The following BLTP1 variants were observed in gnomAD, a reference collection of about 807,000 sequenced individuals.
BLTP1 encodes fragile site-associated protein.
the BLTP1 span, among the ~76,000 whole-genome samples, chr4:122,299,377 G>A: frequency 1.3e-5 from 2 of 152,120 alleles, no homozygotes; most frequent in African/African-American, 4.8e-5. Context: ...ATGTAAGTGA[G>A]GGGATAAAGT....
At chr4:122,327,466 T>C in the BLTP1 span, among the ~76,000 whole-genome samples, 1 of 151,772 alleles carries the variant, frequency 6.6e-6, no homozygotes, top group Non-Finnish European at 1.5e-5. Flanking sequence ...ATTTTCCATC[T>C]GCACTTGATT....
chr4:122,229,369 T>C, the BLTP1 span: 1 of 679,130 alleles, frequency 1.5e-6, no homozygotes, highest in Non-Finnish European at 2.3e-6. Context: ...GGAGAAAACT[T>C]TCTAATTTTT....
the BLTP1 span, chr4:122,209,432 A>T: frequency 2.4e-6 from 3 of 1,261,524 alleles, no homozygotes; most frequent in African/African-American, 4.6e-5. Flanking sequence ...ATCACCTGAG[A>T]TCAGGAGTTC....
chr4:122,285,590 G>C, the BLTP1 span, among the ~76,000 whole-genome samples: 1 of 152,228 alleles, frequency 6.6e-6, no homozygotes, highest in African/African-American at 2.4e-5. Flanking sequence ...TGAATATAGT[G>C]AATGTGACAT....
chr4:122,224,600 G>C, the BLTP1 span: 4 of 1,613,946 alleles, frequency 2.5e-6, no homozygotes, highest in Non-Finnish European at 3.4e-6. Flanking sequence ...TCTTCCTTTG[G>C]GAAGCGATTC....
the BLTP1 span, chr4:122,226,344 A>C: frequency 1.0e-6 from 1 of 981,416 alleles, no homozygotes; most frequent in Non-Finnish European, 1.2e-6. Context: ...AGTTTGGTTT[A>C]TGATTGGAGA....
chr4:122,328,059 A>G, the BLTP1 span: 8 of 1,370,158 alleles, frequency 5.8e-6, no homozygotes, highest in East Asian at 2.0e-4. Context: ...TTCTTTTTTT[A>G]ATTGAAATAT....
the BLTP1 span, chr4:122,204,919 T>A: frequency 1.9e-6 from 1 of 526,562 alleles, no homozygotes; most frequent in Non-Finnish European, 2.4e-6. Flanking sequence ...AAATGGAATT[T>A]TCTGTTGTCT....
chr4:122,255,221 T>C, the BLTP1 span: 3 of 1,613,184 alleles, frequency 1.9e-6, no homozygotes, highest in Non-Finnish European at 2.5e-6. Flanking sequence ...ATGTTTACTA[T>C]GTAATATACT....
the BLTP1 span, among the ~76,000 whole-genome samples, chr4:122,284,588 G>A: frequency 2.4e-3 from 354 of 146,058 alleles, 2 homozygotes; most frequent in African/African-American, 9.3e-3. Flanking sequence ...GTAAGTATGT[G>A]TATACAGTAG....
At chr4:122,204,768 T>C in the BLTP1 span, 19 of 562,184 alleles carry the variant, frequency 3.4e-5, no homozygotes, top group Non-Finnish European at 4.3e-5. Context: ...TTAGACGCTG[T>C]GCTAAAGACT....
the BLTP1 span, among the ~76,000 whole-genome samples, chr4:122,256,473 G>A: frequency 1.3e-5 from 2 of 152,206 alleles, no homozygotes; most frequent in Non-Finnish European, 2.9e-5. Context: ...GGAATGAAAG[G>A]AGAGGCTAGT....
At chr4:122,305,129 C>T in the BLTP1 span, 1 of 1,296,162 alleles carries the variant, frequency 7.7e-7, no homozygotes, top group Non-Finnish European at 9.9e-7. Context: ...AGTGAAAACT[C>T]ATTTACCTTG....
chr4:122,187,992 A>G, the BLTP1 span: 5 of 1,598,694 alleles, frequency 3.1e-6, no homozygotes, highest in Admixed American at 3.4e-5. Context: ...CCTTCAAGTC[A>G]TCTTGACCAA....
chr4:122,185,984 T>C, the BLTP1 span: 1 of 1,380,558 alleles, frequency 7.2e-7, no homozygotes, highest in Non-Finnish European at 9.8e-7. Flanking sequence ...AGTAAAAACT[T>C]TGAAGTTCTT....
chr4:122,316,597 C>T, the BLTP1 span: 2 of 1,188,592 alleles, frequency 1.7e-6, no homozygotes, highest in Non-Finnish European at 2.4e-6. Flanking sequence ...GGATTTAAAT[C>T]AATGGAGAAT....
chr4:122,197,099 A>T, the BLTP1 span: 1 of 708,100 alleles, frequency 1.4e-6, no homozygotes, highest in Non-Finnish European at 2.2e-6. Flanking sequence ...TACTTACTTA[A>T]CATCAATAAT....
chr4:122,249,297 A>G, the BLTP1 span: 1 of 655,928 alleles, frequency 1.5e-6, no homozygotes, highest in Non-Finnish European at 1.9e-6. Flanking sequence ...TAATCATAAA[A>G]TCTTCTTTTC....
the BLTP1 span, chr4:122,170,230 TGG>T: frequency 2.4e-6 from 1 of 421,548 alleles, no homozygotes; most frequent in Non-Finnish European, 3.1e-6. Context: ...CGCTTGAAAC[TGG>T]GAGGTGGAGG....
Sources: allele counts gnomAD v4.1 joint callset (sites outside exome capture counted in the v4.1 genomes callset), GRCh38; gene constraint gnomAD v4.1.1; transcripts MANE v1.5; gene names NCBI Gene and HGNC (gene_info 2026-07-23, HGNC 2026-07-21).